Variants in PLCXD3 observed in about 807,000 individuals in gnomAD.
PLCXD3 encodes phosphatidylinositol specific phospholipase C X domain containing 3, also known as PI-PLC X domain-containing protein 3.
A neutral mutation model predicts 25.5 loss-of-function variants in PLCXD3; 19 were observed. The observed-to-expected ratio is 0.75, with a 90% CI of 0.52 to 1.09. PLCXD3 has a LOEUF of 1.09. Among genes scored for constraint, PLCXD3 ranks in the 50% least tolerant of loss-of-function variants. PLCXD3 has a pLI of 0.00. For synonymous variants in PLCXD3, 174 were observed against 137.6 expected (o/e 1.26, Z -1.85); for missense variants, 411 against 388.1 (o/e 1.06, Z -0.50).
intron 2 of PLCXD3, among the ~76,000 whole-genome samples, chr5:41,339,965 G>A (rs150798748): frequency 2.6e-5 from 4 of 152,256 alleles, no homozygotes; most frequent in African/African-American, 7.2e-5. Flanking sequence ...CCATAGAGAG[G>A]GCCAGAGGAG....
chr5:41,434,591 T>C (rs1747193556), intron 1 of PLCXD3, among the ~76,000 whole-genome samples: 1 of 152,176 alleles, frequency 6.6e-6, no homozygotes, highest in Non-Finnish European at 1.5e-5. Context: ...TGAAATCTTG[T>C]ATAAGCAGAA....
chr5:41,429,462 A>G (rs1747041084), intron 1 of PLCXD3, among the ~76,000 whole-genome samples: 2 of 152,174 alleles, frequency 1.3e-5, no homozygotes, highest in African/African-American at 2.4e-5. Context: ...TTAGCAATGT[A>G]CTTGATCCAA....
intron 1 of PLCXD3, among the ~76,000 whole-genome samples, chr5:41,492,049 G>T: frequency 6.6e-6 from 1 of 152,156 alleles, no homozygotes; most frequent in Admixed American, 6.5e-5. Context: ...TTACAATTTG[G>T]CATGATTTTG....
chr5:41,332,866 T>G (rs1440661142), intron 2 of PLCXD3, among the ~76,000 whole-genome samples: 1 of 152,088 alleles, frequency 6.6e-6, no homozygotes, highest in Non-Finnish European at 1.5e-5. Context: ...GCACCGCATA[T>G]TCTCACTCAT....
At chr5:41,465,715 T>C (rs756125812) in intron 1 of PLCXD3, among the ~76,000 whole-genome samples, 1 of 152,006 alleles carries the variant, frequency 6.6e-6, no homozygotes, top group African/African-American at 2.4e-5. Flanking sequence ...CCAGGGAGCA[T>C]GTGTCTGCGG....
intron 1 of PLCXD3, among the ~76,000 whole-genome samples, chr5:41,412,584 G>A (rs1327001695): frequency 6.6e-6 from 1 of 152,098 alleles, no homozygotes; most frequent in Non-Finnish European, 1.5e-5. Flanking sequence ...TTTGCCACTC[G>A]CCCTTGATAA....
At chr5:41,321,813 A>T (rs908092670) in intron 2 of PLCXD3, among the ~76,000 whole-genome samples, 5 of 152,202 alleles carry the variant, frequency 3.3e-5, no homozygotes, top group African/African-American at 1.2e-4. Flanking sequence ...CCACAAACAC[A>T]CACTGGGGAA....
chr5:41,485,758 C>T (rs115209137), intron 1 of PLCXD3, among the ~76,000 whole-genome samples: 2,279 of 152,272 alleles, frequency 0.015, 54 homozygotes, highest in African/African-American at 0.049. Context: ...ATTTTCGCTG[C>T]CATGTCACAC....
intron 1 of PLCXD3, among the ~76,000 whole-genome samples, chr5:41,423,333 C>G (rs1326977020): frequency 6.6e-6 from 1 of 151,860 alleles, no homozygotes; most frequent in East Asian, 1.9e-4. Flanking sequence ...TATTATAAGG[C>G]TTTTGAATTT....
chr5:41,471,600 A>G (rs1748159548), intron 1 of PLCXD3, among the ~76,000 whole-genome samples: 1 of 152,154 alleles, frequency 6.6e-6, no homozygotes, highest in Admixed American at 6.5e-5. Flanking sequence ...ATTAGAAGGA[A>G]AGGATGTTAA....
chr5:41,326,008 T>A (rs1038138431), intron 2 of PLCXD3, among the ~76,000 whole-genome samples: 4 of 152,208 alleles, frequency 2.6e-5, no homozygotes, highest in Non-Finnish European at 5.9e-5. Flanking sequence ...TCATGGGGAC[T>A]CTGCCCTCAC....
At chr5:41,402,530 T>C (rs1746216090) in intron 1 of PLCXD3, among the ~76,000 whole-genome samples, 1 of 151,786 alleles carries the variant, frequency 6.6e-6, no homozygotes, top group Admixed American at 6.6e-5. Flanking sequence ...AAAATAATTT[T>C]ATTCTACTGT....
intron 1 of PLCXD3, among the ~76,000 whole-genome samples, chr5:41,462,704 G>C (rs1355080065): frequency 6.6e-6 from 1 of 151,840 alleles, no homozygotes; most frequent in Non-Finnish European, 1.5e-5. Context: ...AGAATCACTT[G>C]AACCTGGGGG....
At chr5:41,350,226 G>C (rs2150480697) in intron 2 of PLCXD3, among the ~76,000 whole-genome samples, 1 of 152,162 alleles carries the variant, frequency 6.6e-6, no homozygotes, top group African/African-American at 2.4e-5. Flanking sequence ...TCCGTCCTCT[G>C]TTTTCTCATT....
At chr5:41,437,412 AG>A (rs144075478) in intron 1 of PLCXD3, among the ~76,000 whole-genome samples, 1,829 of 152,370 alleles carry the variant, frequency 0.012, 30 homozygotes, top group African/African-American at 0.042. Context: ...GTATTTACAA[AG>A]ACTATAATAA....
intron 1 of PLCXD3, among the ~76,000 whole-genome samples, chr5:41,404,303 G>C (rs532403480): frequency 6.6e-6 from 1 of 152,088 alleles, no homozygotes; most frequent in African/African-American, 2.4e-5. Context: ...GAACCATGTG[G>C]AACCATGTTA....
intron 2 of PLCXD3, among the ~76,000 whole-genome samples, chr5:41,336,141 A>G (rs1238563202): frequency 2.6e-5 from 4 of 152,132 alleles, no homozygotes; most frequent in African/African-American, 7.2e-5. Flanking sequence ...TAACTTCCCC[A>G]ATTCTCATCT....
intron 2 of PLCXD3, among the ~76,000 whole-genome samples, chr5:41,359,463 A>G (rs1057460974): frequency 6.6e-6 from 1 of 152,014 alleles, no homozygotes; most frequent in African/African-American, 2.4e-5. Context: ...TATTTCTGGG[A>G]GCTTATCCAT....
At chr5:41,350,798 TA>T (rs1306718855) in intron 2 of PLCXD3, among the ~76,000 whole-genome samples, 10 of 152,220 alleles carry the variant, frequency 6.6e-5, no homozygotes, top group Non-Finnish European at 1.2e-4. Flanking sequence ...TAAAGTGTAA[TA>T]AGTATATTGC....
Sources: allele counts gnomAD v4.1 joint callset (sites outside exome capture counted in the v4.1 genomes callset), GRCh38; gene constraint gnomAD v4.1.1; transcripts MANE v1.5; gene names NCBI Gene and HGNC (gene_info 2026-07-23, HGNC 2026-07-21).